RHD: variants seen among roughly 807,000 people sequenced by gnomAD.
RHD encodes blood group Rh(D) polypeptide.
A neutral mutation model predicts 45.5 loss-of-function variants in RHD; 16 were observed. That is an observed-to-expected ratio of 0.35 (90% confidence interval 0.24 to 0.53). RHD has a LOEUF of 0.53. Among genes scored for constraint, RHD ranks in the 20% least tolerant of loss-of-function variants. The pLI, the probability that RHD is intolerant of heterozygous loss-of-function variation, is 0.92. For missense variants in RHD, 306 were observed against 532.0 expected, an observed-to-expected ratio of 0.58 and a Z score of 4.18; for synonymous variants, 131 against 217.5, an observed-to-expected ratio of 0.60 and a Z score of 3.50.
In RHD at chr1:25,309,102, T is replaced by C. The variant is rs1467438424; in HGVS notation, c.1073+2373T>C. Among the ~76,000 whole-genome samples, 3 of 131,688 alleles carry C rather than the reference T, an allele frequency of 2.3e-5. 1 individual carries two copies. Among genetic ancestry groups the C allele is most frequent in the African/African-American group, 7.9e-5 (3 of 38,014 alleles). 86.4% of individuals were successfully genotyped at this position (131,688 alleles called of 152,430 possible). A position where few individuals can be genotyped will look rare whatever the true frequency, so the allele number is the denominator to read the frequency against. On this transcript the variant is annotated intron_variant, in intron 7 of 9. Transcript: ENST00000328664. ...ACTGTGGATTAGCTACTTGGTGGCA[T>C]TGGGCAAGTCAGTTGACTTTGCATT...
At chr1:25,295,544 C>T (rs1456173762) in intron 3 of RHD, among the ~76,000 whole-genome samples, 3 of 102,270 alleles carry the variant, frequency 2.9e-5, no homozygotes, top group Admixed American at 1.0e-4. Flanking sequence ...ACTGAGGCTT[C>T]GGAGGCAACA....
At position 25,278,987 on chromosome 1, in the gene RHD, G is replaced by T. The variant is rs564084745; in HGVS notation, c.149-5586G>T. On this transcript the variant is annotated intron_variant, in intron 1 of 9. Transcript: ENST00000328664. ...CTAGAGCCTGGGAGAGTGAAGCTGG[G>T]TGTGACTTCAGAGCTGTTGGTGCTG... is the stretch of plus-strand genomic sequence containing the variant. Among the ~76,000 whole-genome samples, 31 of 129,754 alleles carry T rather than the reference G, an allele frequency of 2.4e-4. No individual in the cohort carries two copies. In the East Asian group the frequency reaches 5.1e-3, roughly 21 times the overall value. 85.1% of individuals were successfully genotyped at this position (129,754 alleles called of 152,430 possible).
In RHD at chr1:25,279,537, G is replaced by A. The variant is rs1641296528; in HGVS notation, c.149-5036G>A. 1.6e-5 allele frequency among the ~76,000 whole-genome samples: 2 copies of A among 127,468 alleles called. 1 individual carries two copies. Among genetic ancestry groups the A allele is most frequent in the Admixed American group, 1.5e-4 (2 of 13,190 alleles). 83.6% of individuals were successfully genotyped at this position (127,468 alleles called of 152,430 possible). On this transcript the variant is annotated intron_variant, in intron 1 of 9. Transcript: ENST00000328664. ...CTACCATTTACTAGCTCTGTGACTTGGACTAGTTATAGCACCTCTCTGTGC... is the reference window on the plus strand; with the variant it reads ...CTACCATTTACTAGCTCTGTGACTTAGACTAGTTATAGCACCTCTCTGTGC...
rs141840686 is a variant in RHD at position 25,278,182 on chromosome 1, G to A, written c.148+5487G>A. On this transcript the variant is annotated intron_variant, in intron 1 of 9. Transcript: ENST00000328664. ...GAGATATTTAGGAGATAAGTCAGCT[G>A]TACTTGATGAAAAGAGTGGGGAGTT... Among the ~76,000 whole-genome samples the A allele has an allele frequency of 6.8e-4, 88 of 129,792 alleles. 3 individuals are homozygous for A. In the East Asian group the frequency reaches 0.016, roughly 23 times the overall value. 85.1% of individuals were successfully genotyped at this position (129,792 alleles called of 152,430 possible).
chr1:25,297,717 T>A (rs1643069907), intron 3 of RHD, among the ~76,000 whole-genome samples: 1 of 132,218 alleles, frequency 7.6e-6, no homozygotes, highest in Non-Finnish European at 1.8e-5. Flanking sequence ...CTGCTTAATA[T>A]AAGGATTAAT....
chr1:25,311,863 A>G (rs1021664398), intron 7 of RHD, among the ~76,000 whole-genome samples: 1 of 131,362 alleles, frequency 7.6e-6, no homozygotes, highest in Non-Finnish European at 1.8e-5. Flanking sequence ...AGAATGCAAA[A>G]GCTGAGGGGG....
rs549243711 is a variant in RHD at position 25,279,026 on chromosome 1, C to A, written c.149-5547C>A. The stretch of plus-strand genomic sequence containing the variant: ...CTGTTGGTGCTGAAGTTTCTGCAGG[C>A]CAGAAGGAGGGGCAAGAGTGGGAGG... On this transcript the variant is annotated intron_variant, in intron 1 of 9. Transcript: ENST00000328664. 2.7e-4 allele frequency among the ~76,000 whole-genome samples: 35 copies of A among 129,550 alleles called. 4 individuals carry two copies. Among genetic ancestry groups the A allele is most frequent in the African/African-American group, 8.8e-4 (33 of 37,474 alleles). 85.0% of individuals were successfully genotyped at this position (129,550 alleles called of 152,430 possible).
chr1:25,281,747 C>CTAA (rs1200602121), intron 1 of RHD, among the ~76,000 whole-genome samples: 1 of 131,342 alleles, frequency 7.6e-6, no homozygotes, highest in Non-Finnish European at 1.8e-5. Flanking sequence ...TGAATCCTTC[C>CTAA]TAATGCCCAC....
rs1640797513 is a variant in RHD, at chr1:25,274,758, G to A, written c.148+2063G>A. Among the ~76,000 whole-genome samples the A allele has an allele frequency of 2.2e-5, 3 of 133,936 alleles. 1 individual carries two copies. The highest frequency in any genetic ancestry group is 7.6e-5 in the African/African-American group (3 of 39,256). The allele number at this position is 133,936 out of a possible 152,430, so 87.9% of individuals were successfully genotyped here. A position where few individuals can be genotyped will look rare whatever the true frequency, so the allele number is the denominator to read the frequency against. On this transcript the variant is annotated intron_variant, in intron 1 of 9. Transcript: ENST00000328664. The stretch of plus-strand genomic sequence containing the variant: ...GACGTGGCTCACGCCTGTAATCCCG[G>A]CACATTGGGAGGCCAAGGCTGGAGA...
rs1210857950 is a variant in RHD at position 25,296,153 on chromosome 1, G to A, written c.487-4793G>A. 1.7e-5 allele frequency among the ~76,000 whole-genome samples: 2 copies of A among 119,126 alleles called. 1 individual carries two copies. The highest frequency in any genetic ancestry group is 1.6e-4 in the Admixed American group (2 of 12,336). The allele number at this position is 119,126 out of a possible 152,430, so 78.2% of individuals were successfully genotyped here. A position where few individuals can be genotyped will look rare whatever the true frequency, so the allele number is the denominator to read the frequency against. ...GCTGGGATTAGAGGTGTGAGCCACC[G>A]CGCCCAGCCTGGAAGTTTGTATTTA... On this transcript the variant is annotated intron_variant, in intron 3 of 9. Transcript: ENST00000328664.
intron 7 of RHD, among the ~76,000 whole-genome samples, chr1:25,312,999 C>G (rs181323167): frequency 9.6e-6 from 1 of 104,006 alleles, no homozygotes; most frequent in East Asian, 2.5e-4. Context: ...GAAGGACATG[C>G]ATTTTGGGGG....
At chr1:25,307,285 G>C (rs910518528) in intron 7 of RHD, among the ~76,000 whole-genome samples, 2 of 131,760 alleles carry the variant, frequency 1.5e-5, no homozygotes, top group Admixed American at 1.5e-4. Flanking sequence ...GTGGGAATGT[G>C]GGCCTCCAGA....
chr1:25,301,122 C>A lies in RHD; in HGVS notation c.634+29C>A, dbSNP rs199501184. ...AGGACAAGGTGGGGTGAGTGGTCTC[C>A]TACTTGGGCTGAGCAGAATGGCTCA... On this transcript the variant is annotated intron_variant, in intron 4 of 9. Coordinates refer to ENST00000328664, the MANE Select transcript of RHD (RefSeq NM_016124.6). The A allele has an allele frequency of 3.5e-4, 475 of 1,370,712 alleles. 78 individuals carry two copies. The South Asian group carries it at 3.8e-3, about 11-fold the overall frequency. The allele number at this position is 1,370,712 out of a possible 1,614,324, so 84.9% of individuals were successfully genotyped here.
chr1:25,295,729 A>G (rs1234373185), intron 3 of RHD, among the ~76,000 whole-genome samples: 1 of 109,016 alleles, frequency 9.2e-6, no homozygotes, highest in African/African-American at 3.0e-5. Flanking sequence ...TCAGTGACCA[A>G]GAGGCGGCCG....
rs1447935671 is a variant in RHD at position 25,308,557 on chromosome 1, T to A, written c.1073+1828T>A. Among the ~76,000 whole-genome samples, 21 of 131,962 alleles carry A rather than the reference T, an allele frequency of 1.6e-4. 1 individual carries two copies. Among genetic ancestry groups the A allele is most frequent in the Admixed American group, 1.5e-3 (21 of 13,572 alleles). The allele number at this position is 131,962 out of a possible 152,430, so 86.6% of individuals were successfully genotyped here. Reference sequence around the variant, plus strand: ...AGCCTTGATTGGTAGCACTTGCAATTTCTATGGTACAAACGCTTCCCGCAT... The same window carrying A: ...AGCCTTGATTGGTAGCACTTGCAATATCTATGGTACAAACGCTTCCCGCAT... On this transcript the variant is annotated intron_variant, in intron 7 of 9. Coordinates refer to ENST00000328664, the MANE Select transcript of RHD (RefSeq NM_016124.6).
intron 8 of RHD, among the ~76,000 whole-genome samples, chr1:25,320,946 A>T (rs1282107220): frequency 7.6e-6 from 1 of 131,612 alleles, no homozygotes; most frequent in Non-Finnish European, 1.8e-5. Flanking sequence ...TGGGAGGCTG[A>T]GGTGGGAGGG....
At chr1:25,308,291 C>T (rs1316019793) in intron 7 of RHD, among the ~76,000 whole-genome samples, 1 of 113,342 alleles carries the variant, frequency 8.8e-6, no homozygotes, top group East Asian at 2.0e-4. Flanking sequence ...TGGTTCTCCA[C>T]AGCACCTGCA....
chr1:25,288,014 T>C (rs190403274), intron 2 of RHD, among the ~76,000 whole-genome samples: 1 of 132,788 alleles, frequency 7.5e-6, no homozygotes, highest in African/African-American at 2.6e-5. Flanking sequence ...TGAGCCACTG[T>C]GTCCAGCCTA....
rs1643889278 is a variant in RHD at position 25,307,068 on chromosome 1, G to A, written c.1073+339G>A. ...CGTGATGCAGAGCTTTGCTGTGGAC[G>A]TGCTCCCACTGCGTACTAGCTGGGC... On this transcript the variant is annotated intron_variant, in intron 7 of 9. Coordinates refer to ENST00000328664, the MANE Select transcript of RHD (RefSeq NM_016124.6). The A allele has an allele frequency of 2.4e-5, 8 of 331,288 alleles. 1 individual carries two copies. Among genetic ancestry groups the A allele is most frequent in the Admixed American group, 1.2e-4 (3 of 25,484 alleles). 20.5% of individuals were successfully genotyped at this position (331,288 alleles called of 1,614,324 possible).
Sources: allele counts gnomAD v4.1 joint callset (sites outside exome capture counted in the v4.1 genomes callset), GRCh38; gene constraint gnomAD v4.1.1; transcripts MANE v1.5; gene names NCBI Gene and HGNC (gene_info 2026-07-23, HGNC 2026-07-21).